DOCK9: variants seen among roughly 807,000 people sequenced by gnomAD.
DOCK9 encodes the protein dedicator of cytokinesis protein 9.
DOCK9 carries 89 observed loss-of-function variants against 263.3 expected under a neutral mutation model. The ratio of observed to expected loss-of-function variants is 0.34; its 90% CI spans 0.28 to 0.40. DOCK9 has a LOEUF of 0.40. DOCK9 is among the 10% of genes least tolerant of loss of function. DOCK9 has a pLI of 1.00. For synonymous variants in DOCK9, 976 were observed against 973.1 expected (o/e 1.00, Z -0.06); for missense variants, 2,140 against 2,603.4 (o/e 0.82, Z 3.87).
chr13:98,901,942 C>A (rs1437489374), intron 12 of DOCK9, 42 bp from the exon 13 acceptor site: 2 of 1,598,988 alleles, frequency 1.3e-6, no homozygotes, highest in Admixed American at 1.7e-5. Context: ...GAATTCACAG[C>A]TACGTTAAAC....
chr13:98,855,957 T>A lies in DOCK9; in HGVS notation c.3772A>T (p.Thr1258Ser). 1 of 1,614,010 alleles carries A rather than the reference T, an allele frequency of 6.2e-7. No individual in the cohort carries two copies. Among genetic ancestry groups the A allele is most frequent in the Non-Finnish European group, 8.5e-7 (1 of 1,179,880 alleles). Residue 1258 changes from threonine to serine, a missense_variant, in exon 34 of 53, where the codon ACA becomes TCA. This residue lies in a region of DOCK9 where 1,521 missense variants were observed against 1,741.7 expected (regional missense o/e 0.87). Coordinates refer to ENST00000682017, the MANE Select transcript of DOCK9 (RefSeq NM_001366683.2). Reference protein sequence around the residue: ...NADSRGSLISTDSGNSLPERN... With the variant: ...NADSRGSLISSDSGNSLPERN... ...TCTGGAAGGCTGTTACCCGAATCTG[T>A]GCTTATGAGAGATCCTCTCGAATCA...
chr13:99,086,469 C>A, exon 1 of DOCK9: 1 of 614,840 alleles, frequency 1.6e-6, no homozygotes, highest in South Asian at 6.8e-5. Flanking sequence ...GCGCCGCCGC[C>A]GCCTGCTCCC....
Position 98,977,806 on chromosome 13 carries a change from G to C in DOCK9, c.104C>G (p.Ala35Gly), listed in dbSNP as rs1875500879. 6.2e-7 allele frequency: 1 copy of C among 1,611,542 alleles called. No individual in the cohort carries two copies. The highest frequency in any genetic ancestry group is 1.7e-5 in the Admixed American group (1 of 59,786). ...YKDAAQGEVE[A>G]ESPGPVPAKP... ...TACCGGCACAGGGCCCGGGCTCTCTGCTTCCACTTCGCCCTGAGCTGCATC... is the reference window on the plus strand; with the variant it reads ...TACCGGCACAGGGCCCGGGCTCTCTCCTTCCACTTCGCCCTGAGCTGCATC... The change falls in exon 1 of 53, where the codon GCA (alanine) becomes GGA (glycine). Residue 35 changes from alanine to glycine, a missense_variant. Around this residue, in one of 2 missense-constraint regions of DOCK9, gnomAD observed 1,521 missense variants for 1,741.7 expected, o/e 0.87. Transcript: ENST00000682017.
At chr13:98,895,874 T>A (rs1158807390) in intron 15 of DOCK9, among the ~76,000 whole-genome samples, 2 of 152,174 alleles carry the variant, frequency 1.3e-5, no homozygotes, top group Non-Finnish European at 2.9e-5. Context: ...TTCATAGGGA[T>A]CCAGGGGCAC....
intron 30 of DOCK9, among the ~76,000 whole-genome samples, chr13:98,863,788 G>A (rs1443361287): frequency 6.6e-6 from 1 of 152,136 alleles, no homozygotes; most frequent in Non-Finnish European, 1.5e-5. Flanking sequence ...AAGTGCACTG[G>A]ATTTTGGAAC....
chr13:99,079,368 T>C (rs2042036706), intron 1 of DOCK9, among the ~76,000 whole-genome samples: 2 of 151,998 alleles, frequency 1.3e-5, no homozygotes, highest in South Asian at 4.2e-4. Flanking sequence ...TCAGCCCCCA[T>C]ACCTACACCT....
In DOCK9 at chr13:98,807,645, C is replaced by A. The variant is rs767529595; in HGVS notation, c.5514+16G>T. ...AACATTACATTGCTATGAAACTTAT[C>A]CAAACATGGTCATACCTTGCCAGAA... On this transcript the variant is annotated intron_variant, in intron 48 of 52. Coordinates refer to ENST00000682017, the MANE Select transcript of DOCK9 (RefSeq NM_001366683.2). 1 of 1,580,452 alleles carries A rather than the reference C, an allele frequency of 6.3e-7. No homozygotes were observed. The highest frequency in any genetic ancestry group is 8.6e-7 in the Non-Finnish European group (1 of 1,156,980).
At chr13:98,917,249 C>A (rs1404571853) in intron 7 of DOCK9, among the ~76,000 whole-genome samples, 2 of 152,212 alleles carry the variant, frequency 1.3e-5, no homozygotes, top group Non-Finnish European at 1.5e-5. Flanking sequence ...AAAATAATTA[C>A]TTCCTACTTT....
chr13:98,921,060 A>C lies in DOCK9; in HGVS notation c.611T>G (p.Ile204Ser). 6.2e-7 allele frequency: 1 copy of C among 1,602,428 alleles called. No individual in the cohort carries two copies. Among genetic ancestry groups the C allele is most frequent in the Non-Finnish European group, 8.5e-7 (1 of 1,173,930 alleles). Residue 204 changes from isoleucine to serine, a missense_variant, in exon 7 of 53, where the codon ATT becomes AGT. By Grantham distance (142) the Ile-to-Ser change is moderately radical. Around this residue, in one of 2 missense-constraint regions of DOCK9, gnomAD observed 1,521 missense variants for 1,741.7 expected, o/e 0.87. Transcript: ENST00000682017. ...RSFKRRFFHL[I>S]QLGDGSYNLN... Reference sequence around the variant, plus strand: ...ATTATAGGATCCATCGCCAAGTTGAATCAGGTGGAAAAATCGTCTCTTAAA... The same window carrying C: ...ATTATAGGATCCATCGCCAAGTTGACTCAGGTGGAAAAATCGTCTCTTAAA...
At chr13:99,015,692 C>T in intron 1 of DOCK9, 1 of 1,469,638 alleles carries the variant, frequency 6.8e-7, no homozygotes, top group South Asian at 1.5e-5. Context: ...AACAGGCTCC[C>T]ACTGTACCAT....
chr13:98,897,532 C>G lies in DOCK9; in HGVS notation c.1665G>C (p.Lys555Asn). The change falls in exon 15 of 53, where the codon AAG (lysine) becomes AAC (asparagine). Residue 555 changes from lysine (K) to asparagine (N), a missense_variant. Transcript: ENST00000682017. ...ACTTGAGCATGTCATCATTGGATAGCTTATTGCTGTCTTGCCTGTAGATGG... is the reference window on the plus strand; with the variant it reads ...ACTTGAGCATGTCATCATTGGATAGGTTATTGCTGTCTTGCCTGTAGATGG... ...FSAIYRQDSN[K>N]LSNDDMLKLL... The G allele has an allele frequency of 6.2e-6, 10 of 1,613,980 alleles. No individual in the cohort carries two copies. The highest frequency in any genetic ancestry group is 8.5e-6 in the Non-Finnish European group (10 of 1,179,862).
At chr13:99,008,611 G>A (rs1030642022) in intron 1 of DOCK9, among the ~76,000 whole-genome samples, 3 of 152,168 alleles carry the variant, frequency 2.0e-5, no homozygotes, top group African/African-American at 7.2e-5. Flanking sequence ...TTGTATCTTA[G>A]TCAGCTAAAG....
chr13:99,065,017 T>C, intron 1 of DOCK9, among the ~76,000 whole-genome samples: 1 of 152,162 alleles, frequency 6.6e-6, no homozygotes, highest in South Asian at 2.1e-4. Context: ...AAGGCCTGTG[T>C]AACGGGCTGG....
Position 98,797,176 on chromosome 13 carries a change from T to C in DOCK9, c.6095A>G (p.Glu2032Gly), listed in dbSNP as rs1262343024. 1 of 1,614,002 alleles carries C rather than the reference T, an allele frequency of 6.2e-7. No individual in the cohort carries two copies. Among genetic ancestry groups the C allele is most frequent in the Admixed American group, 1.7e-5 (1 of 60,022 alleles). ...LIKEDQLEYQ[E>G]EMKANYREMA... ...TTCCCTGTAGTTGGCTTTCATTTCTTCCTGATACTCGAGCTGGTCTTCTTT... is the reference window on the plus strand; with the variant it reads ...TTCCCTGTAGTTGGCTTTCATTTCTCCCTGATACTCGAGCTGGTCTTCTTT... The change falls in exon 52 of 53, where the codon GAA becomes GGA. Residue 2032 changes from glutamate to glycine, a missense_variant. By Grantham distance (98) the Glu-to-Gly change is moderately conservative (BLOSUM62 -2). Coordinates refer to ENST00000682017, the MANE Select transcript of DOCK9 (RefSeq NM_001366683.2).
chr13:99,078,967 A>G (rs1488836258), intron 1 of DOCK9, among the ~76,000 whole-genome samples: 1 of 152,240 alleles, frequency 6.6e-6, no homozygotes, highest in Non-Finnish European at 1.5e-5. Flanking sequence ...TTTATGTTAA[A>G]GACTAAACAC....
intron 1 of DOCK9, among the ~76,000 whole-genome samples, chr13:99,008,236 T>A (rs866535045): frequency 0.027 from 1,486 of 55,960 alleles, 4 homozygotes; most frequent in African/African-American, 0.057. Flanking sequence ...ATATATATAT[T>A]TTTTTTTTTT....
rs528631856 is a variant in DOCK9, at chr13:99,031,755, CTT to C, written c.129+54466_129+54467del. On this transcript the variant is annotated intron_variant, in intron 1 of 32. Transcript: ENST00000427887. ...TGGTTCACACATAGCCAATGTAAAGCTTTTGTTTTCAGGCTTGCTTCATGTTC... is the reference window on the plus strand; with the variant it reads ...TGGTTCACACATAGCCAATGTAAAGCTTGTTTTCAGGCTTGCTTCATGTTC... Among the ~76,000 whole-genome samples, 85 of 152,280 alleles carry C rather than the reference CTT, an allele frequency of 5.6e-4. No homozygotes were observed. In the Middle Eastern group the frequency reaches 0.01, roughly 18 times the overall value.
At chr13:99,071,306 C>CTGTTTTTTTTTTTTT (rs2041662835) in intron 1 of DOCK9, among the ~76,000 whole-genome samples, 1 of 49,320 alleles carries the variant, frequency 2.0e-5, no homozygotes, top group African/African-American at 1.1e-4. Context: ...CCATGCCTGG[C>CTGTTTTTTTTTTTTT]TTTTTTTTTT....
At chr13:98,935,738 A>T (rs925616926) in intron 2 of DOCK9, among the ~76,000 whole-genome samples, 15 of 152,224 alleles carry the variant, frequency 9.9e-5, no homozygotes, top group African/African-American at 3.4e-4. Flanking sequence ...ACTGCACTCC[A>T]GACTGGGTGA....
Sources: allele counts gnomAD v4.1 joint callset (sites outside exome capture counted in the v4.1 genomes callset), GRCh38; gene constraint gnomAD v4.1.1; regional missense constraint gnomAD v4.1.1; transcripts MANE v1.5; gene names NCBI Gene and HGNC (gene_info 2026-07-23, HGNC 2026-07-21).